ULK4: variants seen among roughly 807,000 people sequenced by gnomAD.
ULK4 encodes inactive serine/threonine-protein kinase ULK4.
Under a neutral mutation model 160.6 loss-of-function variants are expected in ULK4, and 133 were observed. That is an observed-to-expected ratio of 0.83 (90% CI 0.72 to 0.96). The LOEUF is 0.96. Among genes scored for constraint, ULK4 ranks in the 40% least tolerant of loss-of-function variants. The pLI, the probability that ULK4 is intolerant of heterozygous loss-of-function variation, is 0.00. For missense variants in ULK4, 1,580 were observed against 1,499.5 expected, an observed-to-expected ratio of 1.05 and a Z score of -0.89; for synonymous variants, 534 against 539.8, an observed-to-expected ratio of 0.99 and a Z score of 0.15.
chr3:41,510,947 G>A (rs1441291607), intron 32 of ULK4, among the ~76,000 whole-genome samples: 2 of 152,048 alleles, frequency 1.3e-5, no homozygotes, highest in African/African-American at 2.4e-5. Flanking sequence ...TGGATCACAA[G>A]GTCAGGAGAT....
intron 27 of ULK4, among the ~76,000 whole-genome samples, chr3:41,703,237 A>AAT (rs1553636619): frequency 4.0e-5 from 6 of 151,180 alleles, no homozygotes; most frequent in African/African-American, 1.5e-4. Flanking sequence ...CAAAATATGT[A>AAT]TTTTTTTTTC....
chr3:41,506,767 A>AAAAAAAAAAAAAAATATATATAT, intron 32 of ULK4, among the ~76,000 whole-genome samples: 5 of 56,792 alleles, frequency 8.8e-5, no homozygotes, highest in African/African-American at 3.3e-4. Flanking sequence ...TGTGATTTAA[A>AAAAAAAAAAAAAAATATATATAT]ATATATATAT....
intron 17 of ULK4, among the ~76,000 whole-genome samples, chr3:41,862,397 G>C (rs190606968): frequency 3.9e-5 from 6 of 152,150 alleles, no homozygotes; most frequent in Admixed American, 3.9e-4. Context: ...TTGGTCCCTC[G>C]TGCCTTATTT....
At chr3:41,882,197 T>C in intron 17 of ULK4, 1 of 702,974 alleles carries the variant, frequency 1.4e-6, no homozygotes, top group Non-Finnish European at 2.6e-6. Context: ...TCAGTATCTA[T>C]ACATACACAA....
intron 22 of ULK4, among the ~76,000 whole-genome samples, chr3:41,747,921 T>C (rs1424112576): frequency 6.6e-6 from 1 of 152,140 alleles, no homozygotes; most frequent in Non-Finnish European, 1.5e-5. Flanking sequence ...TACTCTGTTA[T>C]GACAGCCTGA....
rs528576029 is a variant in ULK4 at position 41,634,694 on chromosome 3, T to C, written c.3072-18977A>G. Reference sequence around the variant, plus strand: ...ACCACTGGCTTGAGCGATTTGGGTATAGTGTAGACATGGAAACTGAGTCAA... The same window carrying C: ...ACCACTGGCTTGAGCGATTTGGGTACAGTGTAGACATGGAAACTGAGTCAA... On this transcript the variant is annotated intron_variant, in intron 30 of 36. Coordinates refer to ENST00000301831, the MANE Select transcript of ULK4 (RefSeq NM_017886.4). 5.9e-5 allele frequency among the ~76,000 whole-genome samples: 9 copies of C among 152,304 alleles called. No homozygotes were observed. In the South Asian group the frequency reaches 1.0e-3, roughly 18 times the overall value.
chr3:41,563,577 AAACTT>A (rs1251780300), intron 32 of ULK4, among the ~76,000 whole-genome samples: 1 of 151,992 alleles, frequency 6.6e-6, no homozygotes, highest in Non-Finnish European at 1.5e-5. Context: ...TTTTTTCTCT[AAACTT>A]GTCTTCTCGC....
intron 32 of ULK4, among the ~76,000 whole-genome samples, chr3:41,512,521 A>G (rs746923474): frequency 2.0e-5 from 3 of 152,196 alleles, no homozygotes; most frequent in Non-Finnish European, 4.4e-5. Context: ...CCCTTTTTAC[A>G]ATAGCTGTAA....
intron 29 of ULK4, among the ~76,000 whole-genome samples, chr3:41,667,395 T>C (rs1559472758): frequency 2.0e-5 from 3 of 152,206 alleles, no homozygotes; most frequent in African/African-American, 7.2e-5. Context: ...ATTGAATATA[T>C]TTTAGTTTAA....
At chr3:41,543,297 T>C (rs186613518) in intron 32 of ULK4, among the ~76,000 whole-genome samples, 2 of 152,092 alleles carry the variant, frequency 1.3e-5, no homozygotes, top group Non-Finnish European at 2.9e-5. Flanking sequence ...GGAACAATAT[T>C]CAAGGAGGTG....
At chr3:41,840,627 C>T (rs764569685) in intron 17 of ULK4, among the ~76,000 whole-genome samples, 25 of 152,364 alleles carry the variant, frequency 1.6e-4, no homozygotes, top group South Asian at 8.3e-4. Context: ...CTGCCCACCT[C>T]GGCCTCCCGG....
chr3:41,906,720 C>T (rs1698576001), intron 12 of ULK4, among the ~76,000 whole-genome samples: 1 of 152,086 alleles, frequency 6.6e-6, no homozygotes, highest in Non-Finnish European at 1.5e-5. Context: ...AAAGGCCGGG[C>T]ACGGTGGCTC....
chr3:41,771,104 TAAG>T (rs1185195838), intron 21 of ULK4, among the ~76,000 whole-genome samples: 3 of 152,208 alleles, frequency 2.0e-5, no homozygotes, highest in Non-Finnish European at 4.4e-5. Flanking sequence ...CGGCTTACCA[TAAG>T]AATAGCTCAC....
chr3:41,897,907 G>A (rs1466217435), intron 14 of ULK4, among the ~76,000 whole-genome samples: 1 of 152,084 alleles, frequency 6.6e-6, no homozygotes, highest in Non-Finnish European at 1.5e-5. Context: ...CCAATTTAAG[G>A]TATGTAAAAA....
intron 32 of ULK4, among the ~76,000 whole-genome samples, chr3:41,545,006 C>G (rs2086810532): frequency 6.6e-6 from 1 of 152,150 alleles, no homozygotes; most frequent in Non-Finnish European, 1.5e-5. Context: ...AATAAACACT[C>G]CTTGTATTGT....
At position 41,820,980 on chromosome 3, in the gene ULK4, A is replaced by T. The variant is rs567021277; in HGVS notation, c.1765-1474T>A. ...ACACTAAATTTAACTTGCAAACACA[A>T]CTTTCTTTCCTTCCCTTATTCTTCC... On this transcript the variant is annotated intron_variant, in intron 18 of 36. Transcript: ENST00000301831. Among the ~76,000 whole-genome samples the T allele has an allele frequency of 9.8e-4, 149 of 152,004 alleles. 1 individual carries two copies. The highest frequency in any genetic ancestry group is 3.4e-3 in the African/African-American group (142 of 41,480).
chr3:41,830,287 A>AAG (rs1491559396), intron 18 of ULK4, among the ~76,000 whole-genome samples: 1 of 152,156 alleles, frequency 6.6e-6, no homozygotes, highest in East Asian at 1.9e-4. Flanking sequence ...CCTAAAACTT[A>AAG]AAGTATAATT....
At chr3:41,559,568 C>T (rs2087477382) in intron 32 of ULK4, among the ~76,000 whole-genome samples, 1 of 151,668 alleles carries the variant, frequency 6.6e-6, no homozygotes, top group Admixed American at 6.6e-5. Context: ...GATTGCCATT[C>T]TAACTGGTGT....
At chr3:41,308,515 G>A (rs996283233) in intron 35 of ULK4, among the ~76,000 whole-genome samples, 1 of 151,748 alleles carries the variant, frequency 6.6e-6, no homozygotes, top group African/African-American at 2.4e-5. Flanking sequence ...ACTGGAAACA[G>A]ATACTGGAAA....
Sources: gnomAD v4.1 joint callset for allele counts (sites outside exome capture counted in the v4.1 genomes callset) on GRCh38, gnomAD v4.1.1 for gene constraint, MANE v1.5 for transcripts, NCBI Gene and HGNC (gene_info 2026-07-23, HGNC 2026-07-21) for gene names.